Variants in CSMD3 observed in about 807,000 individuals in gnomAD.
The protein encoded by CSMD3 is CUB and Sushi multiple domains 3.
Under a neutral mutation model 435.2 loss-of-function variants are expected in CSMD3, and 177 were observed. That is an observed-to-expected ratio of 0.41 (90% CI 0.36 to 0.46). CSMD3 has a LOEUF of 0.46. Ranked by LOEUF, CSMD3 falls within the 20% of genes least tolerant of loss-of-function variation. CSMD3 has a pLI of 0.34. For missense variants in CSMD3, 4,265 were observed against 4,504.6 expected (o/e 0.95, Z 1.52); for synonymous variants, 1,656 against 1,520.5 (o/e 1.09, Z -2.07).
rs764680660 is a variant in CSMD3 at position 113,098,973 on chromosome 8, A to T, written c.710-10T>A. ...CCACAAGCATCTTCAGCTGTTAAAA[A>T]TGACAAAATATTCAGTTGTAAGTTA... On this transcript the variant is annotated splice_polypyrimidine_tract_variant and intron_variant, in intron 4 of 70. Transcript: ENST00000297405. The T allele has an allele frequency of 1.3e-5, 20 of 1,549,062 alleles. No homozygotes were observed. The highest frequency in any genetic ancestry group is 1.8e-5 in the Non-Finnish European group (20 of 1,121,638).
intron 4 of CSMD3, among the ~76,000 whole-genome samples, chr8:113,136,817 G>A (rs1399697473): frequency 6.6e-6 from 1 of 151,460 alleles, no homozygotes; most frequent in Non-Finnish European, 1.5e-5. Flanking sequence ...AGATAGTGGG[G>A]GAAGTCAGAA....
chr8:113,398,244 A>T (rs2094493324), intron 1 of CSMD3, among the ~76,000 whole-genome samples: 1 of 152,176 alleles, frequency 6.6e-6, no homozygotes, highest in Non-Finnish European at 1.5e-5. Context: ...AAATAATTAT[A>T]TTAATTTTCT....
At chr8:112,987,416 CA>C (rs2085295366) in intron 6 of CSMD3, among the ~76,000 whole-genome samples, 2 of 151,852 alleles carry the variant, frequency 1.3e-5, no homozygotes, top group Admixed American at 1.3e-4. Context: ...AAATAGATAC[CA>C]AAAATATTTT....
intron 22 of CSMD3, among the ~76,000 whole-genome samples, chr8:112,589,004 G>C (rs1442795188): frequency 6.6e-6 from 1 of 151,874 alleles, no homozygotes; most frequent in Non-Finnish European, 1.5e-5. Context: ...TTGTCAATTA[G>C]ATTATTTAGA....
intron 13 of CSMD3, among the ~76,000 whole-genome samples, chr8:112,775,532 G>A (rs144435410): frequency 3.8e-3 from 20 of 5,200 alleles, no homozygotes; most frequent in Non-Finnish European, 1.8e-3. Flanking sequence ...ATTTTAAATC[G>A]TAGCAAAAAA....
intron 5 of CSMD3, among the ~76,000 whole-genome samples, chr8:113,043,112 TGTTAA>T (rs1158636021): frequency 6.6e-5 from 10 of 152,226 alleles, no homozygotes; most frequent in East Asian, 1.9e-4. Context: ...TTCTAAAACT[TGTTAA>T]GTTGTCACAC....
chr8:113,425,210 C>A (rs1001558120), intron 1 of CSMD3, among the ~76,000 whole-genome samples: 2 of 151,370 alleles, frequency 1.3e-5, no homozygotes, highest in Admixed American at 1.3e-4. Flanking sequence ...TTATGTCAAT[C>A]CCATAATATT....
intron 3 of CSMD3, among the ~76,000 whole-genome samples, chr8:113,256,271 G>C (rs1184217114): frequency 6.6e-6 from 1 of 152,098 alleles, no homozygotes; most frequent in Non-Finnish European, 1.5e-5. Flanking sequence ...AATCTAAGCT[G>C]TTTGTTTTCT....
At chr8:112,338,492 T>C (rs1211873348) in intron 42 of CSMD3, among the ~76,000 whole-genome samples, 2 of 152,140 alleles carry the variant, frequency 1.3e-5, no homozygotes, top group African/African-American at 2.4e-5. Flanking sequence ...ATATCAATAT[T>C]TGGAACTTTT....
intron 13 of CSMD3, among the ~76,000 whole-genome samples, chr8:112,752,527 G>A (rs1010618604): frequency 2.6e-5 from 4 of 152,190 alleles, no homozygotes; most frequent in Non-Finnish European, 5.9e-5. Flanking sequence ...TAAGGGAGGA[G>A]AAAAGGGTAG....
chr8:112,406,283 T>C (rs1276259255), intron 35 of CSMD3, among the ~76,000 whole-genome samples: 4 of 152,140 alleles, frequency 2.6e-5, no homozygotes, highest in African/African-American at 9.7e-5. Flanking sequence ...CATAAATCCA[T>C]ATAAATCAGT....
chr8:112,643,830 A>G lies in CSMD3; in HGVS notation c.3310+1279T>C, dbSNP rs114649387. Among the ~76,000 whole-genome samples the G allele has an allele frequency of 9.3e-3, 1,414 of 152,188 alleles. 19 individuals are homozygous for G. Among genetic ancestry groups the G allele is most frequent in the African/African-American group, 0.032 (1,337 of 41,552 alleles). On this transcript the variant is annotated intron_variant, in intron 20 of 70. Coordinates refer to ENST00000297405, the MANE Select transcript of CSMD3 (RefSeq NM_198123.2). The stretch of plus-strand genomic sequence containing the variant: ...TTAATTCATTGTAGAAATTTAACCA[A>G]ACTAGTCCTGACATAATTCTCACCT...
intron 4 of CSMD3, among the ~76,000 whole-genome samples, chr8:113,129,771 G>A (rs1374955725): frequency 6.6e-6 from 1 of 152,074 alleles, no homozygotes; most frequent in Non-Finnish European, 1.5e-5. Flanking sequence ...TCAAATAAGG[G>A]AGGGGAGAGT....
chr8:112,390,290 G>T (rs547363399), intron 36 of CSMD3, among the ~76,000 whole-genome samples: 1 of 152,298 alleles, frequency 6.6e-6, no homozygotes, highest in Admixed American at 6.5e-5. Flanking sequence ...AGCTTTTGCA[G>T]CCACCTCAAG....
At position 113,249,527 on chromosome 8, in the gene CSMD3, G is replaced by A. The variant is rs149776434; in HGVS notation, c.514+29065C>T. On this transcript the variant is annotated intron_variant, in intron 3 of 70. Coordinates refer to ENST00000297405, the MANE Select transcript of CSMD3 (RefSeq NM_198123.2). The stretch of plus-strand genomic sequence containing the variant: ...TTATAAGGAATCAATTTTTTATTGT[G>A]AATTTTTCTATTTTTAAATCAAATT... Among the ~76,000 whole-genome samples, 266 of 152,038 alleles carry A rather than the reference G, an allele frequency of 1.7e-3. 1 individual carries two copies. Among genetic ancestry groups the A allele is most frequent in the African/African-American group, 6.0e-3 (250 of 41,514 alleles).
chr8:112,599,087 A>G (rs1464088535), intron 22 of CSMD3, among the ~76,000 whole-genome samples: 1 of 149,018 alleles, frequency 6.7e-6, no homozygotes, highest in Non-Finnish European at 1.5e-5. Context: ...CAGGCAACCT[A>G]CAACATGGGA....
intron 32 of CSMD3, among the ~76,000 whole-genome samples, chr8:112,431,541 G>T (rs897327744): frequency 2.6e-5 from 4 of 152,112 alleles, no homozygotes; most frequent in African/African-American, 9.7e-5. Context: ...GATGAGGTAT[G>T]GTGCGTGTCT....
rs983917613 is a variant in CSMD3 at position 112,940,815 on chromosome 8, G to A, written c.1508+6975C>T. Among the ~76,000 whole-genome samples the A allele has an allele frequency of 6.6e-5, 10 of 151,728 alleles. No individual in the cohort carries two copies. In the South Asian group the frequency reaches 8.3e-4, roughly 13 times the overall value. On this transcript the variant is annotated intron_variant, in intron 9 of 70. Coordinates refer to ENST00000297405, the MANE Select transcript of CSMD3 (RefSeq NM_198123.2). ...AAGACTGTTTCTGTTTCATCAACTG[G>A]TATCTATAAGCCATTTACTAATACG...
chr8:113,139,030 A>T (rs1296917115), intron 4 of CSMD3, among the ~76,000 whole-genome samples: 1 of 151,064 alleles, frequency 6.6e-6, no homozygotes, highest in Non-Finnish European at 1.5e-5. Context: ...CTTTAAAAAT[A>T]TCCAATGGAT....
Sources: allele counts gnomAD v4.1 joint callset (sites outside exome capture counted in the v4.1 genomes callset), GRCh38; gene constraint gnomAD v4.1.1; transcripts MANE v1.5; gene names NCBI Gene and HGNC (gene_info 2026-07-23, HGNC 2026-07-21).